NCKAP5: variants seen among roughly 807,000 people sequenced by gnomAD.
NCKAP5 encodes the protein nck-associated protein 5.
A neutral mutation model predicts 167.0 loss-of-function variants in NCKAP5; 92 were observed. The ratio of observed to expected loss-of-function variants is 0.55; its 90% CI spans 0.47 to 0.66. The LOEUF is 0.66. Ranked by LOEUF, NCKAP5 falls within the 30% of genes least tolerant of loss-of-function variation. The pLI is 0.00. For missense variants in NCKAP5, 2,378 were observed against 2,315.0 expected (o/e 1.03, Z -0.56); for synonymous variants, 891 against 877.4 (o/e 1.02, Z -0.27).
At chr2:133,006,647 T>G (rs2077979837) in intron 6 of NCKAP5, among the ~76,000 whole-genome samples, 1 of 152,056 alleles carries the variant, frequency 6.6e-6, no homozygotes, top group African/African-American at 2.4e-5. Flanking sequence ...GACACATGTT[T>G]AGTCATTAAA....
At chr2:133,518,928 T>C (rs1481833983) in intron 2 of NCKAP5, among the ~76,000 whole-genome samples, 1 of 152,226 alleles carries the variant, frequency 6.6e-6, no homozygotes, top group African/African-American at 2.4e-5. Context: ...TCATAATCCT[T>C]GTAAATAAAC....
intron 5 of NCKAP5, among the ~76,000 whole-genome samples, chr2:133,162,439 AATAC>A (rs2083831949): frequency 6.6e-6 from 1 of 152,222 alleles, no homozygotes; most frequent in African/African-American, 2.4e-5. Flanking sequence ...TAGAAGTATA[AATAC>A]ATACTTAAAG....
At chr2:133,206,561 T>G (rs1183814461) in intron 5 of NCKAP5, among the ~76,000 whole-genome samples, 1 of 152,214 alleles carries the variant, frequency 6.6e-6, no homozygotes, top group African/African-American at 2.4e-5. Context: ...GGACCACTAT[T>G]GTACAAACTG....
At chr2:132,745,861 A>T (rs561481974) in intron 16 of NCKAP5, among the ~76,000 whole-genome samples, 5 of 152,148 alleles carry the variant, frequency 3.3e-5, no homozygotes, top group Admixed American at 3.3e-4. Context: ...AAAAAAACAC[A>T]TCTTATAAAA....
intron 11 of NCKAP5, among the ~76,000 whole-genome samples, chr2:132,844,013 A>G (rs889566151): frequency 4.0e-5 from 6 of 151,672 alleles, no homozygotes; most frequent in African/African-American, 1.5e-4. Flanking sequence ...CCCCTTCCAG[A>G]AATCTCTGGA....
At chr2:132,908,593 C>T (rs933277808) in intron 8 of NCKAP5, among the ~76,000 whole-genome samples, 3 of 152,142 alleles carry the variant, frequency 2.0e-5, no homozygotes, top group South Asian at 2.1e-4. Flanking sequence ...TTTTAAGCCT[C>T]TTGATTTAAT....
At chr2:132,994,804 G>A (rs1355434870) in intron 6 of NCKAP5, among the ~76,000 whole-genome samples, 1 of 152,146 alleles carries the variant, frequency 6.6e-6, no homozygotes, top group Non-Finnish European at 1.5e-5. Context: ...AGCATAGAGT[G>A]TACTTATATA....
chr2:132,889,697 C>A (rs1443106782), intron 8 of NCKAP5, among the ~76,000 whole-genome samples: 1 of 152,138 alleles, frequency 6.6e-6, no homozygotes, highest in South Asian at 2.1e-4. Context: ...GAAAATGACA[C>A]CTGACTTGTA....
At chr2:133,411,317 G>A (rs554099115) in intron 3 of NCKAP5, among the ~76,000 whole-genome samples, 5 of 152,154 alleles carry the variant, frequency 3.3e-5, no homozygotes, top group Non-Finnish European at 7.3e-5. Context: ...CCTGGTGTGG[G>A]CGTTGGTAAA....
chr2:132,994,591 C>T (rs16845016), intron 6 of NCKAP5, among the ~76,000 whole-genome samples: 2,714 of 152,230 alleles, frequency 0.018, 71 homozygotes, highest in African/African-American at 0.062. Context: ...TTTTTAAACA[C>T]CAATTTTCAA....
At chr2:133,272,553 A>T (rs551107455) in intron 4 of NCKAP5, among the ~76,000 whole-genome samples, 59 of 152,324 alleles carry the variant, frequency 3.9e-4, no homozygotes, top group African/African-American at 1.4e-3. Context: ...GTTGAAAAAA[A>T]ATTTGCTGCT....
intron 3 of NCKAP5, among the ~76,000 whole-genome samples, chr2:133,304,486 C>T (rs1280862534): frequency 6.6e-6 from 1 of 152,184 alleles, no homozygotes; most frequent in Non-Finnish European, 1.5e-5. Flanking sequence ...AACAAGACCA[C>T]TGGGAATGTT....
At chr2:133,192,477 G>C (rs1489450437) in intron 5 of NCKAP5, among the ~76,000 whole-genome samples, 1 of 151,926 alleles carries the variant, frequency 6.6e-6, no homozygotes, top group African/African-American at 2.4e-5. Context: ...GTTATACACT[G>C]GGAGAAAACA....
chr2:132,734,446 T>C (rs1691315602), intron 16 of NCKAP5, among the ~76,000 whole-genome samples: 1 of 152,158 alleles, frequency 6.6e-6, no homozygotes, highest in Admixed American at 6.5e-5. Context: ...GAATCAAAGA[T>C]TCATGGGATG....
chr2:133,657,418 T>C, the NCKAP5 span, among the ~76,000 whole-genome samples: 1 of 152,222 alleles, frequency 6.6e-6, no homozygotes, highest in Non-Finnish European at 1.5e-5. Flanking sequence ...AGTACCCTTT[T>C]AGCATGCAAC....
chr2:133,248,435 G>A (rs749966469), intron 4 of NCKAP5, among the ~76,000 whole-genome samples: 26 of 152,196 alleles, frequency 1.7e-4, no homozygotes, highest in Non-Finnish European at 3.2e-4. Flanking sequence ...CCCTGGGCTC[G>A]TCTCCCATGC....
At chr2:133,265,874 G>A (rs1227741792) in intron 4 of NCKAP5, among the ~76,000 whole-genome samples, 1 of 152,118 alleles carries the variant, frequency 6.6e-6, no homozygotes. Flanking sequence ...CTCCCGGCCC[G>A]GGAAAGGCGC....
At position 133,521,305 on chromosome 2, in the gene NCKAP5, T is replaced by A. The variant is rs1575098951; in HGVS notation, c.-61-3718A>T. On this transcript the variant is annotated intron_variant, in intron 2 of 19. Transcript: ENST00000409261. ...CAAGTAACCTTCCAATTTTATTTAA[T>A]TCCTATGCAGTATCACTTATAGAAG... is the stretch of plus-strand genomic sequence containing the variant. 2.0e-5 allele frequency among the ~76,000 whole-genome samples: 3 copies of A among 152,366 alleles called. No individual in the cohort carries two copies. In the South Asian group the frequency reaches 6.2e-4, roughly 32 times the overall value.
chr2:133,490,725 A>G (rs1443914483), intron 3 of NCKAP5, among the ~76,000 whole-genome samples: 1 of 152,208 alleles, frequency 6.6e-6, no homozygotes, highest in East Asian at 1.9e-4. Context: ...GCACACACCC[A>G]TATTTTCATA....
Sources: gnomAD v4.1 joint callset for allele counts (sites outside exome capture counted in the v4.1 genomes callset) on GRCh38, gnomAD v4.1.1 for gene constraint, MANE v1.5 for transcripts, NCBI Gene and HGNC (gene_info 2026-07-23, HGNC 2026-07-21) for gene names.